The following GPATCH8 variants were observed in gnomAD, a reference collection of about 807,000 sequenced individuals.
GPATCH8 encodes G patch domain-containing protein 8.
Under a neutral mutation model 118.3 loss-of-function variants are expected in GPATCH8, and 18 were observed. The ratio of observed to expected loss-of-function variants is 0.15; its 90% CI spans 0.11 to 0.23. The LOEUF (loss-of-function observed/expected upper bound fraction) is 0.23. Among genes scored for constraint, GPATCH8 ranks in the 10% least tolerant of loss-of-function variants. The pLI is 1.00. For missense variants in GPATCH8, 1,631 were observed against 1,873.8 expected (o/e 0.87, Z 2.39); for synonymous variants, 659 against 684.7 (o/e 0.96, Z 0.59).
At chr17:44,453,500 G>GGGGTGTGTGTGTGTGT (rs1222816424) in intron 3 of GPATCH8, among the ~76,000 whole-genome samples, 1 of 142,702 alleles carries the variant, frequency 7.0e-6, no homozygotes, top group African/African-American at 2.7e-5. Context: ...GGTAGGTAGG[G>GGGGTGTGTGTGTGTGT]GTGTGTGTGT....
At chr17:44,447,231 T>C (rs1400690864) in intron 3 of GPATCH8, among the ~76,000 whole-genome samples, 1 of 151,954 alleles carries the variant, frequency 6.6e-6, no homozygotes, top group Non-Finnish European at 1.5e-5. Flanking sequence ...CTTGGCTCAC[T>C]GCAACCTCTA....
chr17:44,428,024 G>A (rs2050151169), intron 5 of GPATCH8, among the ~76,000 whole-genome samples: 1 of 152,184 alleles, frequency 6.6e-6, no homozygotes, highest in Admixed American at 6.5e-5. Context: ...GCCCATGTCT[G>A]TAATTCCAGC....
chr17:44,449,683 A>G (rs1435207564), intron 3 of GPATCH8, among the ~76,000 whole-genome samples: 1 of 150,156 alleles, frequency 6.7e-6, no homozygotes, highest in Non-Finnish European at 1.5e-5. Context: ...CGCCCGGCTA[A>G]TTTTGTATTT....
At chr17:44,437,995 G>C (rs1041699709) in intron 3 of GPATCH8, among the ~76,000 whole-genome samples, 14 of 145,178 alleles carry the variant, frequency 9.6e-5, no homozygotes, top group Admixed American at 1.4e-4. Flanking sequence ...CCTTCTTTTA[G>C]ATACAATCAA....
At chr17:44,473,145 T>A (rs2144368349) in intron 2 of GPATCH8, 1 of 152,264 alleles carries the variant, frequency 6.6e-6, no homozygotes, top group East Asian at 1.9e-4. Context: ...ATTTTTTTTT[T>A]TTTTTTTGAG....
At position 44,450,836 on chromosome 17, in the gene GPATCH8, A is replaced by T. The variant is rs561954257; in HGVS notation, c.193+13636T>A. On this transcript the variant is annotated intron_variant, in intron 3 of 7. Transcript: ENST00000591680. Reference sequence around the variant, plus strand: ...GACACCTGTACTCCATGTATCTATCAGCAAGTATAGATGCACAGATAGAAA... The same window carrying T: ...GACACCTGTACTCCATGTATCTATCTGCAAGTATAGATGCACAGATAGAAA... 7.2e-5 allele frequency among the ~76,000 whole-genome samples: 11 copies of T among 152,318 alleles called. No homozygotes were observed. The South Asian group carries it at 2.3e-3, about 32-fold the overall frequency.
chr17:44,421,563 G>A (rs2049903640), intron 6 of GPATCH8, among the ~76,000 whole-genome samples: 1 of 151,542 alleles, frequency 6.6e-6, no homozygotes, highest in Admixed American at 6.6e-5. Context: ...ATGGGGTTTC[G>A]CCATGTTGGC....
At chr17:44,472,728 C>T (rs1171590509) in intron 2 of GPATCH8, among the ~76,000 whole-genome samples, 4 of 152,136 alleles carry the variant, frequency 2.6e-5, no homozygotes, top group Non-Finnish European at 5.9e-5. Context: ...TGGAGTCTCG[C>T]TCTGTCACCC....
At chr17:44,435,986 G>A (rs1470405488) in intron 4 of GPATCH8, among the ~76,000 whole-genome samples, 9 of 123,932 alleles carry the variant, frequency 7.3e-5, no homozygotes, top group East Asian at 4.9e-4. Flanking sequence ...CCGAGACTGC[G>A]CCATTGCACT....
At chr17:44,462,408 T>C (rs1037833011) in intron 3 of GPATCH8, among the ~76,000 whole-genome samples, 14 of 152,184 alleles carry the variant, frequency 9.2e-5, no homozygotes, top group African/African-American at 3.1e-4. Context: ...GCCATCTCCA[T>C]TTCAGTCCTG....
At chr17:44,482,966 C>T (rs1169355876) in intron 1 of GPATCH8, among the ~76,000 whole-genome samples, 1 of 148,722 alleles carries the variant, frequency 6.7e-6, no homozygotes, top group Non-Finnish European at 1.5e-5. Context: ...ACCATCCTGG[C>T]TAACACGGTG....
intron 1 of GPATCH8, among the ~76,000 whole-genome samples, chr17:44,483,822 G>GTTTT (rs147675276): frequency 8.2e-6 from 1 of 122,200 alleles, no homozygotes; most frequent in Non-Finnish European, 1.8e-5. Context: ...TTGTTTGGTT[G>GTTTT]TTTTTGTTGT....
rs573287618 is a variant in GPATCH8, at chr17:44,475,481, G to A, written c.46-578C>T. On this transcript the variant is annotated intron_variant, in intron 1 of 7. Coordinates refer to ENST00000591680, the MANE Select transcript of GPATCH8 (RefSeq NM_001002909.4). ...TGGGAGGCCGAGGCAGGTGGATCAC[G>A]AGGCCAGGAGATTTAGACCATCCTG... is the stretch of plus-strand genomic sequence containing the variant. Among the ~76,000 whole-genome samples, 9 of 148,180 alleles carry A rather than the reference G, an allele frequency of 6.1e-5. No homozygotes were observed. In the South Asian group the frequency reaches 8.6e-4, roughly 14 times the overall value.
rs756791051 is a variant in GPATCH8, at chr17:44,399,689, C to T, written c.2388G>A (p.Gln796=). 2 of 1,614,168 alleles carry T rather than the reference C, an allele frequency of 1.2e-6. No homozygotes were observed. Reference sequence around the variant, plus strand: ...TGCTCCGTTTGGTGCCTGCTCTTCGCTGGCAGGATGAAGGTGGAAGTTCAC... The same window carrying T: ...TGCTCCGTTTGGTGCCTGCTCTTCGTTGGCAGGATGAAGGTGGAAGTTCAC... ...HKGELPPSSC[Q]RRAGTKRSSR... is the part of the protein sequence containing the mutation. Residue 796 remains glutamine (Q), a synonymous_variant, in exon 8 of 8, where the codon CAG becomes CAA. Coordinates refer to ENST00000591680, the MANE Select transcript of GPATCH8 (RefSeq NM_001002909.4).
intron 2 of GPATCH8, among the ~76,000 whole-genome samples, chr17:44,472,894 C>T (rs1025383195): frequency 9.9e-5 from 15 of 151,896 alleles, no homozygotes; most frequent in African/African-American, 3.4e-4. Context: ...CAGGGTTTCA[C>T]CATCTTGGCC....
At chr17:44,421,346 A>G (rs1433719983) in intron 6 of GPATCH8, among the ~76,000 whole-genome samples, 1 of 151,708 alleles carries the variant, frequency 6.6e-6, no homozygotes, top group Admixed American at 6.6e-5. Context: ...CATCTCAAGA[A>G]AAACAAACAA....
intron 3 of GPATCH8, among the ~76,000 whole-genome samples, chr17:44,440,807 A>G (rs769553819): frequency 6.6e-6 from 1 of 152,170 alleles, no homozygotes; most frequent in Non-Finnish European, 1.5e-5. Context: ...AAACTGTCCT[A>G]AAGACTTAAA....
rs1464214119 is a variant in GPATCH8, at chr17:44,399,909, G to A, written c.2168C>T (p.Ala723Val). 1.9e-6 allele frequency: 3 copies of A among 1,613,810 alleles called. No homozygotes were observed. The highest frequency in any genetic ancestry group is 8.5e-7 in the Non-Finnish European group (1 of 1,179,954). The change falls in exon 8 of 8, where the codon GCC becomes GTC. Residue 723 changes from alanine to valine, a missense_variant. Physicochemically the swap from Ala to Val is moderately conservative, Grantham distance 64. This residue lies in a region of GPATCH8 where 922 missense variants were observed against 879.7 expected (regional missense o/e 1.05). Coordinates refer to ENST00000591680, the MANE Select transcript of GPATCH8 (RefSeq NM_001002909.4). ...GGGTCCTCGTTCAGAATCTGCTGGG[G>A]CTGATGACTTATTCTTCTTTCGTTT... is the stretch of plus-strand genomic sequence containing the variant. ...KRKRKKNKSS[A>V]PADSERGPKP...
chr17:44,400,143 T>A lies in GPATCH8; in HGVS notation c.1934A>T (p.Gln645Leu). The A allele has an allele frequency of 6.2e-7, 1 of 1,614,084 alleles. No individual in the cohort carries two copies. Among genetic ancestry groups the A allele is most frequent in the African/African-American group, 1.3e-5 (1 of 75,046 alleles). ...SGSACSGLNK[Q>L]EPGGSHGSET... The stretch of plus-strand genomic sequence containing the variant: ...AGACCCATGGCTACCCCCAGGCTCC[T>A]GCTTGTTCAGGCCGCTACAGGCAGA... The change falls in exon 8 of 8, where the codon CAG (glutamine) becomes CTG (leucine). Residue 645 changes from glutamine (Q) to leucine (L), a missense_variant. Around this residue, in one of 8 missense-constraint regions of GPATCH8, gnomAD observed 922 missense variants for 879.7 expected, o/e 1.05. Transcript: ENST00000591680.
Sources: allele counts gnomAD v4.1 joint callset (sites outside exome capture counted in the v4.1 genomes callset), GRCh38; gene constraint gnomAD v4.1.1; regional missense constraint gnomAD v4.1.1; transcripts MANE v1.5; gene names NCBI Gene and HGNC (gene_info 2026-07-23, HGNC 2026-07-21).